CNTLN: variants seen among roughly 807,000 people sequenced by gnomAD.
CNTLN encodes centlein, also known as centlein, centrosomal protein.
In CNTLN, 212 loss-of-function variants were observed where a neutral mutation model predicts 180.0. The ratio of observed to expected loss-of-function variants is 1.18; its 90% CI spans 1.05 to 1.32. The LOEUF is 1.32. Ranked by LOEUF, CNTLN falls within the 40% of genes most tolerant of loss-of-function variation. CNTLN has a pLI of 0.00. For missense variants in CNTLN, 2,095 were observed against 1,610.9 expected, an observed-to-expected ratio of 1.30 and a Z score of -5.14; for synonymous variants, 722 against 563.1, an observed-to-expected ratio of 1.28 and a Z score of -3.99.
In CNTLN at chr9:17,264,081, C is replaced by T. The variant is rs188322364; in HGVS notation, c.850-9652C>T. ...CATTTGTCAATTTTGGCTTTCGTTGCCATTGCTTTTGTTGTTTCAGACATG... is the reference window on the plus strand; with the variant it reads ...CATTTGTCAATTTTGGCTTTCGTTGTCATTGCTTTTGTTGTTTCAGACATG... On this transcript the variant is annotated intron_variant, in intron 5 of 25. Coordinates refer to ENST00000380647, the MANE Select transcript of CNTLN (RefSeq NM_017738.4). Among the ~76,000 whole-genome samples the T allele has an allele frequency of 6.7e-4, 97 of 144,578 alleles. 5 individuals are homozygous for T. The highest frequency in any genetic ancestry group is 1.8e-3 in the Admixed American group (27 of 14,642). The allele number at this position is 144,578 out of a possible 152,430, so 94.8% of individuals were successfully genotyped here.
chr9:17,296,898 C>T (rs1817985680), intron 6 of CNTLN, among the ~76,000 whole-genome samples: 1 of 152,158 alleles, frequency 6.6e-6, no homozygotes, highest in Non-Finnish European at 1.5e-5. Flanking sequence ...TAATTTTCAT[C>T]CATGTTCAAC....
chr9:17,438,818 A>T (rs1234577440), intron 18 of CNTLN, among the ~76,000 whole-genome samples: 2 of 152,200 alleles, frequency 1.3e-5, no homozygotes, highest in Non-Finnish European at 2.9e-5. Context: ...GCGTGGAGAT[A>T]GGTACAAAAG....
intron 2 of CNTLN, among the ~76,000 whole-genome samples, chr9:17,152,579 A>G (rs906807396): frequency 6.6e-6 from 1 of 152,156 alleles, no homozygotes; most frequent in African/African-American, 2.4e-5. Context: ...TTTACTTGCA[A>G]TTATATGGTC....
intron 5 of CNTLN, among the ~76,000 whole-genome samples, chr9:17,268,420 G>A (rs1587422079): frequency 6.6e-6 from 1 of 152,250 alleles, no homozygotes; most frequent in South Asian, 2.1e-4. Flanking sequence ...GGAGTACCTG[G>A]CCATGTGAGG....
chr9:17,309,172 A>G lies in CNTLN; in HGVS notation c.1261A>G (p.Lys421Glu). Reference protein sequence around the residue: ...QLLQKEQENAKLKEKLQESQG... With the variant: ...QLLQKEQENAELKEKLQESQG... Reference sequence around the variant, plus strand: ...ATTACAAAAAGAGCAAGAAAATGCTAAGTTAAAAGAAAAACTTCAGGAATC... The same window carrying G: ...ATTACAAAAAGAGCAAGAAAATGCTGAGTTAAAAGAAAAACTTCAGGAATC... The change falls in exon 8 of 26, where the codon AAG (lysine) becomes GAG (glutamate). Residue 421 changes from lysine to glutamate, a missense_variant. Physicochemically the swap from Lys to Glu is moderately conservative, Grantham distance 56. Coordinates refer to ENST00000380647, the MANE Select transcript of CNTLN (RefSeq NM_017738.4). The G allele has an allele frequency of 6.2e-7, 1 of 1,610,454 alleles. No individual in the cohort carries two copies. Among genetic ancestry groups the G allele is most frequent in the Admixed American group, 1.7e-5 (1 of 59,806 alleles).
At chr9:17,208,071 T>C (rs1375396847) in intron 2 of CNTLN, among the ~76,000 whole-genome samples, 1 of 152,182 alleles carries the variant, frequency 6.6e-6, no homozygotes, top group East Asian at 1.9e-4. Flanking sequence ...TTACAGTTTT[T>C]CCACATTCAA....
intron 2 of CNTLN, among the ~76,000 whole-genome samples, chr9:17,217,502 T>A (rs114734022): frequency 0.013 from 2,038 of 152,316 alleles, 49 homozygotes; most frequent in African/African-American, 0.047. Context: ...AGGACACAGT[T>A]TGAAATGCAA....
At chr9:17,401,746 C>T (rs1168595815) in intron 15 of CNTLN, among the ~76,000 whole-genome samples, 1 of 151,654 alleles carries the variant, frequency 6.6e-6, no homozygotes, top group South Asian at 2.1e-4. Flanking sequence ...TTGTTTATAA[C>T]TTTGGAGCAT....
chr9:17,457,247 G>T (rs1395195983), intron 18 of CNTLN, among the ~76,000 whole-genome samples: 1 of 152,080 alleles, frequency 6.6e-6, no homozygotes, highest in Non-Finnish European at 1.5e-5. Flanking sequence ...ACCCATGTAT[G>T]TGTGAAGGTA....
At chr9:17,219,871 C>G (rs148950288) in intron 2 of CNTLN, among the ~76,000 whole-genome samples, 2,036 of 152,008 alleles carry the variant, frequency 0.013, 50 homozygotes, top group African/African-American at 0.047. Flanking sequence ...TTGTTGTATC[C>G]TCATATGACA....
At chr9:17,334,689 T>C (rs1432075334) in intron 10 of CNTLN, among the ~76,000 whole-genome samples, 1 of 152,018 alleles carries the variant, frequency 6.6e-6, no homozygotes, top group Non-Finnish European at 1.5e-5. Flanking sequence ...ATATCACATG[T>C]TCTCATTTAT....
intron 15 of CNTLN, among the ~76,000 whole-genome samples, chr9:17,405,392 T>G (rs1827301471): frequency 6.6e-6 from 1 of 151,790 alleles, no homozygotes; most frequent in Non-Finnish European, 1.5e-5. Flanking sequence ...TTCCGGAAGC[T>G]GGGAAGTCCC....
At chr9:17,429,723 C>A (rs142612598) in intron 18 of CNTLN, among the ~76,000 whole-genome samples, 1 of 151,884 alleles carries the variant, frequency 6.6e-6, no homozygotes, top group African/African-American at 2.4e-5. Context: ...AAATCTTGAA[C>A]CTTGTGTTCT....
Position 17,431,418 on chromosome 9 carries a change from G to T in CNTLN, c.3114+15229G>T, listed in dbSNP as rs1197335622. Among the ~76,000 whole-genome samples, 3 of 151,888 alleles carry T rather than the reference G, an allele frequency of 2.0e-5. No homozygotes were observed. The East Asian group carries it at 5.8e-4, about 29-fold the overall frequency. On this transcript the variant is annotated intron_variant, in intron 18 of 25. Coordinates refer to ENST00000380647, the MANE Select transcript of CNTLN (RefSeq NM_017738.4). ...GTGTTATTTGTTTTTGCTATTGTTT[G>T]AGTTCTTTGTATATTATTGTTATTA... is the stretch of plus-strand genomic sequence containing the variant.
chr9:17,387,074 A>G lies in CNTLN; in HGVS notation c.1988-1088A>G, dbSNP rs903266513. On this transcript the variant is annotated intron_variant, in intron 13 of 25. Transcript: ENST00000380647. ...TCGGATACTGTTCTAATTATTTCAT[A>G]AGTACAGAAGTTTTAATTGGGTATG... is the stretch of plus-strand genomic sequence containing the variant. Among the ~76,000 whole-genome samples the G allele has an allele frequency of 1.4e-4, 22 of 152,204 alleles. 1 individual carries two copies. The highest frequency in any genetic ancestry group is 2.9e-5 in the Non-Finnish European group (2 of 68,024).
intron 2 of CNTLN, among the ~76,000 whole-genome samples, chr9:17,196,226 C>T (rs1178876112): frequency 6.6e-6 from 1 of 152,002 alleles, no homozygotes; most frequent in African/African-American, 2.4e-5. Context: ...GTTTCATCAT[C>T]TTGGTCAGGC....
At chr9:17,195,884 A>G (rs1314679905) in intron 2 of CNTLN, among the ~76,000 whole-genome samples, 1 of 152,174 alleles carries the variant, frequency 6.6e-6, no homozygotes, top group Non-Finnish European at 1.5e-5. Context: ...TCTGCATGGT[A>G]ATTTATTATA....
intron 2 of CNTLN, among the ~76,000 whole-genome samples, chr9:17,221,131 A>T (rs1351880506): frequency 2.6e-5 from 4 of 152,036 alleles, no homozygotes; most frequent in African/African-American, 9.7e-5. Flanking sequence ...TTTCCTCCTA[A>T]TGTATATACC....
the CNTLN span, among the ~76,000 whole-genome samples, chr9:17,510,068 C>G: frequency 1.3e-5 from 2 of 152,140 alleles, no homozygotes; most frequent in Middle Eastern, 3.4e-3. Context: ...TACGGTATCT[C>G]TTAGTATTAC....
Sources: gnomAD v4.1 joint callset for allele counts (sites outside exome capture counted in the v4.1 genomes callset) on GRCh38, gnomAD v4.1.1 for gene constraint, MANE v1.5 for transcripts, NCBI Gene and HGNC (gene_info 2026-07-23, HGNC 2026-07-21) for gene names.